RBM20: variants seen among roughly 807,000 people sequenced by gnomAD.
RBM20 encodes RNA binding motif protein 20.
RBM20 carries 51 observed loss-of-function variants against 110.1 expected under a neutral mutation model. The observed-to-expected ratio is 0.46, with a 90% CI of 0.37 to 0.59. The LOEUF (loss-of-function observed/expected upper bound fraction) is 0.59, where lower values mean the gene tolerates loss of function less well. RBM20 is among the 20% of genes least tolerant of loss of function. The pLI is 0.00. For synonymous variants in RBM20, 589 were observed against 618.2 expected (o/e 0.95, Z 0.70); for missense variants, 1,512 against 1,574.9 (o/e 0.96, Z 0.68).
intron 1 of RBM20, among the ~76,000 whole-genome samples, chr10:110,733,596 G>A (rs1317812528): frequency 6.6e-6 from 1 of 152,174 alleles, no homozygotes; most frequent in African/African-American, 2.4e-5. Flanking sequence ...GTTAATCAGG[G>A]GTGCATTCTC....
chr10:110,771,874 A>G (rs956470731), intron 1 of RBM20, among the ~76,000 whole-genome samples: 6 of 152,354 alleles, frequency 3.9e-5, no homozygotes, highest in African/African-American at 9.6e-5. Flanking sequence ...CTTTGTGTGT[A>G]TAAACATTAG....
At chr10:110,783,540 C>T in intron 3 of RBM20, 113 bp downstream of exon 3, 1 of 770,282 alleles carries the variant, frequency 1.3e-6, no homozygotes, top group Non-Finnish European at 2.1e-6. Context: ...GAGACCAGAA[C>T]AGGCAAAGTT....
rs1425562819 is a variant in RBM20 at position 110,812,586 on chromosome 10, G to A, written c.2189G>A (p.Gly730Glu). ...GAGTTGGACGAGCGACCAGAAGGAG[G>A]GAGGCCCCACCGGGAGAAGTACCCG... is the stretch of plus-strand genomic sequence containing the variant. ...KAELDERPEG[G>E]RPHREKYPRS... The change falls in exon 9 of 14, where the codon GGG becomes GAG. Residue 730 changes from glycine to glutamate, a missense_variant. By Grantham distance (98) the Gly-to-Glu change is moderately conservative (BLOSUM62 -2). Transcript: ENST00000369519. The A allele has an allele frequency of 5.8e-6, 9 of 1,551,696 alleles. No individual in the cohort carries two copies. In the South Asian group the frequency reaches 8.3e-5, roughly 14 times the overall value.
At chr10:110,788,407 A>C (rs1590680019) in intron 5 of RBM20, among the ~76,000 whole-genome samples, 1 of 152,224 alleles carries the variant, frequency 6.6e-6, no homozygotes, top group Non-Finnish European at 1.5e-5. Flanking sequence ...CTACAGACCC[A>C]GTGGAAGGGG....
intron 9 of RBM20, among the ~76,000 whole-genome samples, chr10:110,817,448 G>A (rs79271679): frequency 0.015 from 2,213 of 152,196 alleles, 57 homozygotes; most frequent in African/African-American, 0.051. Flanking sequence ...CCAACCATGC[G>A]GGAAGACAGG....
intron 1 of RBM20, among the ~76,000 whole-genome samples, chr10:110,655,898 T>C (rs548243959): frequency 6.1e-4 from 47 of 77,350 alleles, no homozygotes; most frequent in African/African-American, 1.5e-3. Context: ...TAAAACTTTT[T>C]TTGGTCTTTT....
chr10:110,752,920 C>CATATATATATATAT (rs760317651), intron 1 of RBM20, among the ~76,000 whole-genome samples: 5 of 125,192 alleles, frequency 4.0e-5, no homozygotes, highest in African/African-American at 1.6e-4. Context: ...TATATTTATA[C>CATATATATATATAT]ATATATATAT....
At chr10:110,788,600 C>A (rs1844448724) in intron 5 of RBM20, among the ~76,000 whole-genome samples, 1 of 152,142 alleles carries the variant, frequency 6.6e-6, no homozygotes, top group Non-Finnish European at 1.5e-5. Flanking sequence ...TTTGCCATTG[C>A]CAGCATATGG....
intron 1 of RBM20, among the ~76,000 whole-genome samples, chr10:110,690,175 G>C (rs939424366): frequency 1.3e-5 from 2 of 152,170 alleles, no homozygotes; most frequent in Non-Finnish European, 2.9e-5. Context: ...GGAAGCTGAG[G>C]CTGGAGGATT....
rs146715695 is a variant in RBM20 at position 110,651,438 on chromosome 10, G to A, written c.191+6793G>A. On this transcript the variant is annotated intron_variant, in intron 1 of 13. Coordinates refer to ENST00000369519, the MANE Select transcript of RBM20 (RefSeq NM_001134363.3). ...ATACTGTTCTTCAATCTCTAAAAAT[G>A]TTTTTGGTATAAGAATAATTTTTTG... Among the ~76,000 whole-genome samples the A allele has an allele frequency of 3.7e-3, 570 of 152,256 alleles. 3 individuals carry two copies. The highest frequency in any genetic ancestry group is 0.013 in the African/African-American group (551 of 41,538).
At chr10:110,685,646 T>C (rs915249909) in intron 1 of RBM20, among the ~76,000 whole-genome samples, 5 of 152,124 alleles carry the variant, frequency 3.3e-5, no homozygotes, top group African/African-American at 1.2e-4. Context: ...CAGAGGGAGT[T>C]CTACCGTTGG....
chr10:110,768,057 G>C (rs974825177), intron 1 of RBM20, among the ~76,000 whole-genome samples: 1 of 152,186 alleles, frequency 6.6e-6, no homozygotes, highest in Non-Finnish European at 1.5e-5. Flanking sequence ...GCGAAACCCC[G>C]TCTCCACCAA....
At chr10:110,751,573 T>C (rs1289256626) in intron 1 of RBM20, among the ~76,000 whole-genome samples, 2 of 152,242 alleles carry the variant, frequency 1.3e-5, no homozygotes, top group African/African-American at 4.8e-5. Context: ...TAACCAAATA[T>C]GTTCTTGCAC....
intron 1 of RBM20, among the ~76,000 whole-genome samples, chr10:110,719,625 G>T (rs1316498054): frequency 6.6e-6 from 1 of 151,968 alleles, no homozygotes; most frequent in African/African-American, 2.4e-5. Flanking sequence ...CTTTGAACCT[G>T]TTCATCTTTT....
intron 1 of RBM20, among the ~76,000 whole-genome samples, chr10:110,771,326 G>A (rs1380088047): frequency 6.6e-6 from 1 of 151,886 alleles, no homozygotes; most frequent in African/African-American, 2.4e-5. Flanking sequence ...ACCAGGTTTC[G>A]CCATGTTGGT....
At chr10:110,807,091 C>T (rs781565595) in intron 7 of RBM20, among the ~76,000 whole-genome samples, 1 of 152,188 alleles carries the variant, frequency 6.6e-6, no homozygotes. Flanking sequence ...CTAGCCCCAG[C>T]GTGCAGTATT....
intron 1 of RBM20, among the ~76,000 whole-genome samples, chr10:110,654,187 T>C (rs1861988659): frequency 6.6e-6 from 1 of 152,200 alleles, no homozygotes; most frequent in Non-Finnish European, 1.5e-5. Flanking sequence ...TTTGATTAAA[T>C]ATTTAAGGAG....
At chr10:110,834,599 T>C (rs1266395658) in intron 13 of RBM20, among the ~76,000 whole-genome samples, 1 of 152,246 alleles carries the variant, frequency 6.6e-6, no homozygotes, top group African/African-American at 2.4e-5. Context: ...ATGCTTTTTG[T>C]TGCCTCTCTT....
intron 1 of RBM20, among the ~76,000 whole-genome samples, chr10:110,745,214 T>C (rs555325803): frequency 6.6e-6 from 1 of 152,342 alleles, no homozygotes; most frequent in African/African-American, 2.4e-5. Context: ...CTGCCTCTGC[T>C]GTAAAGACTT....
Sources: gnomAD v4.1 joint callset for allele counts (sites outside exome capture counted in the v4.1 genomes callset) on GRCh38, gnomAD v4.1.1 for gene constraint, MANE v1.5 for transcripts, NCBI Gene and HGNC (gene_info 2026-07-23, HGNC 2026-07-21) for gene names.